Variants in ADK observed in about 807,000 individuals in gnomAD.
ADK encodes the protein N6,N6-dimethyladenosine kinase.
In ADK, 24 loss-of-function variants were observed where a neutral mutation model predicts 44.7. The ratio of observed to expected loss-of-function variants is 0.54; its 90% confidence interval spans 0.39 to 0.76. The LOEUF (loss-of-function observed/expected upper bound fraction) is 0.76. Ranked by LOEUF, ADK falls within the 30% of genes least tolerant of loss-of-function variation. The probability of loss-of-function intolerance (pLI) is 0.00; values close to 1 mark genes in which losing one functional copy is unlikely to be tolerated. For synonymous variants in ADK, 128 were observed against 142.6 expected (o/e 0.90, Z 0.73); for missense variants, 321 against 425.1 (o/e 0.76, Z 2.15).
At chr10:74,185,975 G>T (rs11599616) in intron 1 of ADK, among the ~76,000 whole-genome samples, 80,900 of 151,362 alleles carry the variant, frequency 0.53, 22,668 homozygotes, top group Non-Finnish European at 0.62. Flanking sequence ...AGCCCCCTGA[G>T]TAGCTGGGAT....
intron 7 of ADK, 31 bp downstream of exon 7, chr10:74,525,457 T>G: frequency 6.3e-7 from 1 of 1,578,288 alleles, no homozygotes; most frequent in Non-Finnish European, 8.7e-7. Context: ...CAAAAGAACC[T>G]GGGGGTTTTT....
At chr10:74,288,146 A>G (rs567245928) in intron 3 of ADK, among the ~76,000 whole-genome samples, 1 of 152,260 alleles carries the variant, frequency 6.6e-6, no homozygotes, top group East Asian at 1.9e-4. Context: ...ATATTTGTAA[A>G]TAACGGGCAA....
intron 4 of ADK, among the ~76,000 whole-genome samples, chr10:74,389,388 A>AAT (rs1843262182): frequency 6.6e-6 from 1 of 152,190 alleles, no homozygotes; most frequent in South Asian, 2.1e-4. Context: ...AATGATAGGA[A>AAT]ATAGATTAGT....
At chr10:74,328,807 A>G (rs1841109634) in intron 4 of ADK, among the ~76,000 whole-genome samples, 1 of 152,024 alleles carries the variant, frequency 6.6e-6, no homozygotes, top group Middle Eastern at 3.2e-3. Context: ...TTCTTTATAA[A>G]TTACTCAGTC....
chr10:74,514,003 G>A (rs923495879), intron 6 of ADK, among the ~76,000 whole-genome samples: 36 of 152,144 alleles, frequency 2.4e-4, no homozygotes, highest in African/African-American at 7.5e-4. Flanking sequence ...CCAGACTAGT[G>A]GTGATGGATT....
intron 3 of ADK, among the ~76,000 whole-genome samples, chr10:74,286,334 G>A (rs923502036): frequency 3.3e-5 from 5 of 152,140 alleles, no homozygotes; most frequent in African/African-American, 7.2e-5. Context: ...CTGCAGGTGC[G>A]AGTCACCATG....
intron 1 of ADK, among the ~76,000 whole-genome samples, chr10:74,174,783 T>C (rs1842274917): frequency 2.0e-5 from 3 of 152,380 alleles, no homozygotes; most frequent in South Asian, 4.1e-4. Context: ...TAACAGCTTT[T>C]ACTCATGGAC....
intron 7 of ADK, among the ~76,000 whole-genome samples, chr10:74,560,472 G>A (rs1030385206): frequency 5.3e-5 from 8 of 152,148 alleles, no homozygotes; most frequent in Admixed American, 2.0e-4. Flanking sequence ...AATCTTATTT[G>A]CAACAATGAT....
chr10:74,432,404 A>T (rs73290214), intron 6 of ADK, among the ~76,000 whole-genome samples: 1 of 152,142 alleles, frequency 6.6e-6, no homozygotes, highest in Admixed American at 6.5e-5. Flanking sequence ...TCTCACATTG[A>T]TCATCCTTGT....
intron 3 of ADK, among the ~76,000 whole-genome samples, chr10:74,237,897 G>A (rs1003227947): frequency 6.6e-6 from 1 of 152,040 alleles, no homozygotes; most frequent in African/African-American, 2.4e-5. Flanking sequence ...TCGGGAGTTC[G>A]AGACCAGCCT....
At chr10:74,353,606 C>T (rs1204910793) in intron 4 of ADK, among the ~76,000 whole-genome samples, 3 of 149,418 alleles carry the variant, frequency 2.0e-5, no homozygotes, top group Non-Finnish European at 3.0e-5. Context: ...CAGTGGCTCA[C>T]GCCTGTAATC....
intron 1 of ADK, among the ~76,000 whole-genome samples, chr10:74,180,456 C>CTTTTT (rs1199684944): frequency 1.6e-4 from 11 of 68,252 alleles, no homozygotes; most frequent in East Asian, 7.7e-4. Context: ...CCAGGCTAGT[C>CTTTTT]TTTTTTTTTT....
intron 4 of ADK, among the ~76,000 whole-genome samples, chr10:74,348,189 G>T (rs1271228116): frequency 6.6e-6 from 1 of 152,196 alleles, no homozygotes; most frequent in African/African-American, 2.4e-5. Context: ...GAGAGCTCTG[G>T]CTGGCATCAG....
At chr10:74,532,120 G>T (rs1159046068) in intron 7 of ADK, among the ~76,000 whole-genome samples, 3 of 152,116 alleles carry the variant, frequency 2.0e-5, no homozygotes, top group Admixed American at 2.0e-4. Flanking sequence ...ATCCATCAAT[G>T]TAATTAAATA....
chr10:74,158,292 G>A (rs1841809897), intron 1 of ADK, among the ~76,000 whole-genome samples: 1 of 152,188 alleles, frequency 6.6e-6, no homozygotes, highest in South Asian at 2.1e-4. Flanking sequence ...GCCAAGTGCT[G>A]TGTGGCTAAA....
chr10:74,345,328 G>A (rs1841728742), intron 4 of ADK, among the ~76,000 whole-genome samples: 1 of 151,348 alleles, frequency 6.6e-6, no homozygotes, highest in African/African-American at 2.4e-5. Context: ...TCCCAGACAG[G>A]GTCTTGCTTT....
intron 7 of ADK, among the ~76,000 whole-genome samples, chr10:74,526,644 G>C (rs978558190): frequency 6.6e-6 from 1 of 152,158 alleles, no homozygotes; most frequent in Non-Finnish European, 1.5e-5. Context: ...ATTAAAGGAT[G>C]ATCCATAGAA....
chr10:74,640,065 C>G (rs1236795528), intron 9 of ADK, among the ~76,000 whole-genome samples: 1 of 152,202 alleles, frequency 6.6e-6, no homozygotes, highest in African/African-American at 2.4e-5. Flanking sequence ...CTGGCTGAAG[C>G]TCTGGGGTTT....
chr10:74,592,167 A>G (rs1373370622), intron 8 of ADK, among the ~76,000 whole-genome samples: 2 of 152,098 alleles, frequency 1.3e-5, no homozygotes, highest in East Asian at 3.8e-4. Context: ...TTTTATATAT[A>G]TAGGTGATGG....
Sources: allele counts gnomAD v4.1 joint callset (sites outside exome capture counted in the v4.1 genomes callset), GRCh38; gene constraint gnomAD v4.1.1; transcripts MANE v1.5; gene names NCBI Gene and HGNC (gene_info 2026-07-23, HGNC 2026-07-21).